KIAA1217: variants seen among roughly 807,000 people sequenced by gnomAD.
KIAA1217 encodes the protein KIAA1217, also known as sickle tail protein homolog.
Under a neutral mutation model 163.9 loss-of-function variants are expected in KIAA1217, and 88 were observed. The observed-to-expected ratio is 0.54, with a 90% CI of 0.45 to 0.64. The LOEUF (loss-of-function observed/expected upper bound fraction) is 0.64, where lower values mean the gene tolerates loss of function less well. KIAA1217 is among the 30% of genes least tolerant of loss of function. KIAA1217 has a pLI of 0.00. For synonymous variants in KIAA1217, 903 were observed against 923.1 expected (o/e 0.98, Z 0.39); for missense variants, 2,372 against 2,475.0 (o/e 0.96, Z 0.88).
At chr10:24,279,062 A>C (rs2077611145) in intron 2 of KIAA1217, among the ~76,000 whole-genome samples, 1 of 150,966 alleles carries the variant, frequency 6.6e-6, no homozygotes, top group African/African-American at 2.4e-5. Flanking sequence ...CTGGTCTTGA[A>C]CTCCCAACCT....
intron 2 of KIAA1217, among the ~76,000 whole-genome samples, chr10:24,153,355 A>G (rs1184697603): frequency 6.6e-6 from 1 of 152,204 alleles, no homozygotes; most frequent in Non-Finnish European, 1.5e-5. Context: ...TTTTCGAGAG[A>G]CATTTAACTC....
chr10:23,721,424 C>T (rs974854363), intron 1 of KIAA1217, among the ~76,000 whole-genome samples: 1 of 152,172 alleles, frequency 6.6e-6, no homozygotes, highest in African/African-American at 2.4e-5. Flanking sequence ...ATAGGTAAGA[C>T]ATTATAATTT....
intron 2 of KIAA1217, among the ~76,000 whole-genome samples, chr10:24,299,727 T>G (rs1176524165): frequency 6.6e-6 from 1 of 152,194 alleles, no homozygotes; most frequent in African/African-American, 2.4e-5. Flanking sequence ...TAGTCACTTT[T>G]ACGCTTATGA....
In KIAA1217 at chr10:24,543,423, T is replaced by C; in HGVS notation, c.4153T>C (p.Phe1385Leu). 6.2e-7 allele frequency: 1 copy of C among 1,614,132 alleles called. No individual in the cohort carries two copies. The highest frequency in any genetic ancestry group is 8.5e-7 in the Non-Finnish European group (1 of 1,180,024). Reference protein sequence around the residue: ...EENAATDNIAFMITETTVQVL... With the variant: ...EENAATDNIALMITETTVQVL... Reference sequence around the variant, plus strand: ...AAATGCAGCCACTGACAATATTGCCTTCATGATTACCGAAACCACTGTCCA... The same window carrying C: ...AAATGCAGCCACTGACAATATTGCCCTCATGATTACCGAAACCACTGTCCA... The change falls in exon 19 of 21, where the codon TTC becomes CTC. Residue 1385 changes from phenylalanine (F) to leucine (L), a missense_variant. This residue lies in a region of KIAA1217 where 251 missense variants were observed against 327.3 expected (regional missense o/e 0.77). Coordinates refer to ENST00000376454, the MANE Select transcript of KIAA1217 (RefSeq NM_019590.5).
intron 1 of KIAA1217, among the ~76,000 whole-genome samples, chr10:23,750,985 T>C (rs1428388511): frequency 8.0e-5 from 12 of 149,946 alleles, no homozygotes; most frequent in Admixed American, 6.7e-4. Flanking sequence ...TTCTTCCCTT[T>C]CCTTCCCTTC....
At chr10:23,995,361 C>T (rs1218817778) in intron 1 of KIAA1217, among the ~76,000 whole-genome samples, 1 of 152,020 alleles carries the variant, frequency 6.6e-6, no homozygotes, top group African/African-American at 2.4e-5. Flanking sequence ...GCTTAGGAAA[C>T]CTGACATGTT....
At chr10:23,836,786 C>T (rs114415544) in intron 1 of KIAA1217, among the ~76,000 whole-genome samples, 2,444 of 151,830 alleles carry the variant, frequency 0.016, 78 homozygotes, top group African/African-American at 0.054. Flanking sequence ...AAAAATTAGC[C>T]GTGTATGGTA....
chr10:24,501,488 G>A lies in KIAA1217; in HGVS notation c.1944G>A (p.Glu648=), dbSNP rs934530447. The change falls in exon 9 of 21, where the codon GAG becomes GAA. Residue 648 remains glutamate (E), a synonymous_variant. Coordinates refer to ENST00000376454, the MANE Select transcript of KIAA1217 (RefSeq NM_019590.5). ...GTSAIHMSLL[E]MRRSVAELRL... Reference sequence around the variant, plus strand: ...CAGCCATCCACATGAGCCTGCTTGAGATGAGGCGGAGCGTGGCGGAACTCA... The same window carrying A: ...CAGCCATCCACATGAGCCTGCTTGAAATGAGGCGGAGCGTGGCGGAACTCA... The A allele has an allele frequency of 6.8e-6, 11 of 1,613,916 alleles. No individual in the cohort carries two copies. The African/African-American group carries it at 1.3e-4, about 20-fold the overall frequency.
At chr10:23,790,284 C>CACATATGCATATAT (rs1554794722) in intron 1 of KIAA1217, among the ~76,000 whole-genome samples, 641 of 5,224 alleles carry the variant, frequency 0.12, 305 homozygotes, top group Non-Finnish European at 0.29. Flanking sequence ...TATGCATATG[C>CACATATGCATATAT]ACATATGCAT....
intron 2 of KIAA1217, among the ~76,000 whole-genome samples, chr10:24,058,375 G>A (rs2060601265): frequency 1.3e-5 from 2 of 152,024 alleles, no homozygotes; most frequent in Admixed American, 6.5e-5. Flanking sequence ...TGGCTATTTA[G>A]GATCCTTCAT....
chr10:24,541,401 G>A (rs1252117704), intron 17 of KIAA1217, among the ~76,000 whole-genome samples: 6 of 151,966 alleles, frequency 3.9e-5, no homozygotes, highest in Non-Finnish European at 7.4e-5. Context: ...CAGTATTTGC[G>A]TGTGATTAAT....
At chr10:23,839,514 TC>T (rs1838667428) in intron 1 of KIAA1217, among the ~76,000 whole-genome samples, 2 of 152,186 alleles carry the variant, frequency 1.3e-5, no homozygotes, top group Admixed American at 6.6e-5. Flanking sequence ...AGAATTTCTC[TC>T]CCATGCAGCA....
intron 1 of KIAA1217, among the ~76,000 whole-genome samples, chr10:23,852,922 A>G (rs575756388): frequency 1.6e-4 from 24 of 152,280 alleles, no homozygotes; most frequent in African/African-American, 5.3e-4. Context: ...GGCTGAGACA[A>G]TGGGGTTTTC....
intron 5 of KIAA1217, among the ~76,000 whole-genome samples, chr10:24,450,800 C>T (rs975397494): frequency 3.9e-5 from 6 of 152,162 alleles, no homozygotes; most frequent in Non-Finnish European, 7.3e-5. Context: ...TTGTAAGTAA[C>T]AGAGCTGGGA....
chr10:24,059,152 T>G (rs962878284), intron 2 of KIAA1217, among the ~76,000 whole-genome samples: 1 of 152,218 alleles, frequency 6.6e-6, no homozygotes, highest in Non-Finnish European at 1.5e-5. Context: ...TTTTTAGCCT[T>G]CATTCTGCTG....
intron 1 of KIAA1217, among the ~76,000 whole-genome samples, chr10:23,772,036 ATG>A (rs937663423): frequency 3.3e-5 from 5 of 152,344 alleles, no homozygotes; most frequent in African/African-American, 1.2e-4. Context: ...ATTTTAAATT[ATG>A]TGAATTTTAA....
At chr10:24,119,133 T>C (rs2063178194) in intron 2 of KIAA1217, among the ~76,000 whole-genome samples, 1 of 152,218 alleles carries the variant, frequency 6.6e-6, no homozygotes, top group Non-Finnish European at 1.5e-5. Context: ...GCAATATTTA[T>C]AGTAATGTTT....
rs1835462650 is a variant in KIAA1217, at chr10:23,785,701, G to A, written c.-321+90467G>A. Among the ~76,000 whole-genome samples the A allele has an allele frequency of 2.0e-5, 3 of 152,018 alleles. No homozygotes were observed. In the South Asian group the frequency reaches 6.2e-4, roughly 32 times the overall value. On this transcript the variant is annotated intron_variant, in intron 1 of 18. Transcript: ENST00000376462. Reference sequence around the variant, plus strand: ...CTTTGGTAGATTTTAGGAGCTTAGAGGAGTCATTAAAAATTGTAACCAAGG... The same window carrying A: ...CTTTGGTAGATTTTAGGAGCTTAGAAGAGTCATTAAAAATTGTAACCAAGG...
At chr10:24,360,787 C>T (rs1301946273) in intron 2 of KIAA1217, among the ~76,000 whole-genome samples, 4 of 152,150 alleles carry the variant, frequency 2.6e-5, no homozygotes, top group East Asian at 3.8e-4. Context: ...GAAGAGGCCA[C>T]GCATGTAGAT....
Sources: allele counts gnomAD v4.1 joint callset (sites outside exome capture counted in the v4.1 genomes callset), GRCh38; gene constraint gnomAD v4.1.1; regional missense constraint gnomAD v4.1.1; transcripts MANE v1.5; gene names NCBI Gene and HGNC (gene_info 2026-07-23, HGNC 2026-07-21).